WDR44: variants seen among roughly 807,000 people sequenced by gnomAD.
The protein encoded by WDR44 is WD repeat-containing protein 44.
Under a neutral mutation model 65.7 loss-of-function variants are expected in WDR44, and 9 were observed. The ratio of observed to expected loss-of-function variants is 0.14; its 90% confidence interval spans 0.08 to 0.24. The LOEUF (loss-of-function observed/expected upper bound fraction) is 0.24, where lower values mean the gene tolerates loss of function less well. WDR44 is among the 10% of genes least tolerant of loss of function. The probability of loss-of-function intolerance (pLI) is 1.00; values close to 1 mark genes in which losing one functional copy is unlikely to be tolerated. For missense variants in WDR44, 425 were observed against 670.9 expected, an observed-to-expected ratio of 0.63 and a Z score of 4.05; for synonymous variants, 220 against 235.2, an observed-to-expected ratio of 0.94 and a Z score of 0.59.
intron 1 of WDR44, among the ~76,000 whole-genome samples, chrX:118,375,026 A>G (rs1371345678): frequency 8.9e-6 from 1 of 111,972 alleles, no homozygotes; most frequent in African/African-American, 3.2e-5. Context: ...ACACAGTTAT[A>G]TGTAAAGCCC....
intron 1 of WDR44, among the ~76,000 whole-genome samples, chrX:118,372,198 T>C (rs777814403): frequency 9.0e-6 from 1 of 110,997 alleles, no homozygotes; most frequent in East Asian, 2.8e-4. Flanking sequence ...AAATTATGTC[T>C]CCACTCTCAA....
chrX:118,348,353 T>C (rs1333153502), intron 1 of WDR44, among the ~76,000 whole-genome samples: 2 of 112,316 alleles, frequency 1.8e-5, no homozygotes, highest in Non-Finnish European at 3.8e-5. Flanking sequence ...TTTGATAGAA[T>C]TGATAGAGTC....
chrX:118,433,884 C>T (rs2057231601), intron 13 of WDR44, among the ~76,000 whole-genome samples: 1 of 111,837 alleles, frequency 8.9e-6, no homozygotes, highest in African/African-American at 3.2e-5. Context: ...TTTACATGTG[C>T]TCTGTTCGTA....
At chrX:118,416,590 G>T (rs762236349) in intron 12 of WDR44, among the ~76,000 whole-genome samples, 6 of 111,281 alleles carry the variant, frequency 5.4e-5, no homozygotes, top group African/African-American at 1.6e-4. Flanking sequence ...ATTGAGGCTC[G>T]TTTTATGGCC....
At chrX:118,439,651 A>G (rs1309807618) in intron 14 of WDR44, among the ~76,000 whole-genome samples, 2 of 111,392 alleles carry the variant, frequency 1.8e-5, no homozygotes, top group Admixed American at 9.6e-5. Context: ...TAGAAGACTA[A>G]GTTAAAGTAT....
At position 118,346,527 on chromosome X, in the gene WDR44, G is replaced by A. The variant is rs748603669; in HGVS notation, c.24G>A (p.Glu8=). 2.5e-6 allele frequency: 3 copies of A among 1,205,514 alleles called. No homozygotes were observed. Among genetic ancestry groups the A allele is most frequent in the Non-Finnish European group, 3.4e-6 (3 of 892,923 alleles). Residue 8 remains glutamate, a synonymous_variant, in exon 1 of 20, where the codon GAG becomes GAA. Coordinates refer to ENST00000254029, the MANE Select transcript of WDR44 (RefSeq NM_019045.5). The part of the protein sequence containing the change: MASESDT[E]EFYDAPEDVH... ...AAATGGCGTCGGAAAGCGACACCGA[G>A]GAATTCTATGATGCCCCTGAAGATG...
chrX:118,391,661 TAGAA>T (rs1235721562), intron 3 of WDR44, among the ~76,000 whole-genome samples: 1 of 111,466 alleles, frequency 9.0e-6, no homozygotes, highest in African/African-American at 3.3e-5. Context: ...CAGAAGATAA[TAGAA>T]AGCCTGTTTA....
chrX:118,416,661 A>T (rs993439645), intron 12 of WDR44, among the ~76,000 whole-genome samples: 6 of 111,458 alleles, frequency 5.4e-5, no homozygotes, highest in Non-Finnish European at 1.1e-4. Flanking sequence ...TGTATTCTGC[A>T]GTTGTTGGAT....
intron 10 of WDR44, among the ~76,000 whole-genome samples, chrX:118,407,228 C>T (rs894102645): frequency 3.6e-5 from 4 of 111,735 alleles, no homozygotes; most frequent in Non-Finnish European, 5.6e-5. Flanking sequence ...CGGCCAGGTG[C>T]GGTGGCTCAC....
At chrX:118,423,561 T>C (rs1490542391) in intron 12 of WDR44, among the ~76,000 whole-genome samples, 1 of 112,039 alleles carries the variant, frequency 8.9e-6, no homozygotes, top group East Asian at 2.8e-4. Flanking sequence ...AGTTTGGAGA[T>C]AAGTATACAA....
intron 12 of WDR44, among the ~76,000 whole-genome samples, chrX:118,428,593 A>G (rs1661923928): frequency 8.9e-6 from 1 of 112,023 alleles, no homozygotes; most frequent in Non-Finnish European, 1.9e-5. Context: ...TATTAAAACA[A>G]ATGGAAGAGG....
chrX:118,432,921 A>G, intron 13 of WDR44, 27 bp downstream of exon 13: 1 of 1,137,950 alleles, frequency 8.8e-7, no homozygotes, highest in Middle Eastern at 2.4e-4. Context: ...TGAATCATAT[A>G]GTAATTCTGC....
At chrX:118,355,932 A>G (rs2056454663) in intron 1 of WDR44, among the ~76,000 whole-genome samples, 1 of 111,905 alleles carries the variant, frequency 8.9e-6, no homozygotes, top group Non-Finnish European at 1.9e-5. Context: ...TACCCAGTAA[A>G]TATTAAATGT....
At chrX:118,402,328 G>A (rs1238456381) in intron 8 of WDR44, among the ~76,000 whole-genome samples, 1 of 105,820 alleles carries the variant, frequency 9.5e-6, no homozygotes, top group Admixed American at 1.0e-4. Context: ...CTAGCTACTC[G>A]GGAGGCTGAA....
chrX:118,404,507 C>A, intron 9 of WDR44, 63 bp downstream of exon 9: 2 of 885,646 alleles, frequency 2.3e-6, no homozygotes, highest in Non-Finnish European at 3.1e-6. Flanking sequence ...TAAATTTAGC[C>A]TGTAGTTTGT....
rs772805374 is a variant in WDR44 at position 118,442,568 on chromosome X, T to A, written c.2272T>A (p.Leu758Met). The change falls in exon 17 of 20, where the codon TTG becomes ATG. Residue 758 changes from leucine (L) to methionine (M), a missense_variant. Physicochemically the swap from Leu to Met is conservative, Grantham distance 15. Transcript: ENST00000254029. ...TTTTCATTTGATCTACTTTTAGATA[T>A]TGGTAACCTCAAATGACTCCAGAAT... ...IEPLPGENKI[L>M]VTSNDSRIRL... 8.3e-7 allele frequency: 1 copy of A among 1,204,167 alleles called. No individual in the cohort carries two copies. Among genetic ancestry groups the A allele is most frequent in the Non-Finnish European group, 1.1e-6 (1 of 889,448 alleles).
intron 12 of WDR44, among the ~76,000 whole-genome samples, chrX:118,429,427 A>G (rs755702538): frequency 9.2e-6 from 1 of 108,167 alleles, no homozygotes; most frequent in South Asian, 4.3e-4. Flanking sequence ...TGTCTCTACT[A>G]AAAATACAAA....
intron 12 of WDR44, among the ~76,000 whole-genome samples, chrX:118,425,126 C>T (rs988886741): frequency 8.1e-5 from 9 of 111,070 alleles, no homozygotes; most frequent in Admixed American, 5.8e-4. Flanking sequence ...TTCTGGTGTG[C>T]TCAAAAAACA....
At chrX:118,416,756 T>G (rs755745675) in intron 12 of WDR44, among the ~76,000 whole-genome samples, 2 of 111,979 alleles carry the variant, frequency 1.8e-5, no homozygotes, top group African/African-American at 6.5e-5. Flanking sequence ...CTTTCTGCCT[T>G]GATGACCTGT....
Sources: allele counts gnomAD v4.1 joint callset (sites outside exome capture counted in the v4.1 genomes callset), GRCh38; gene constraint gnomAD v4.1.1; transcripts MANE v1.5; gene names NCBI Gene and HGNC (gene_info 2026-07-23, HGNC 2026-07-21).